The following ARHGAP15 variants were observed in gnomAD, a reference collection of about 807,000 sequenced individuals.
ARHGAP15 encodes the protein rho GTPase-activating protein 15.
Under a neutral mutation model 63.7 loss-of-function variants are expected in ARHGAP15, and 51 were observed. The observed-to-expected ratio is 0.80, with a 90% CI of 0.64 to 1.01. The LOEUF is 1.01. Among genes scored for constraint, ARHGAP15 ranks in the 50% least tolerant of loss-of-function variants. The probability of loss-of-function intolerance (pLI) is 0.00; values close to 1 mark genes in which losing one functional copy is unlikely to be tolerated. For synonymous variants in ARHGAP15, 191 were observed against 193.8 expected, an observed-to-expected ratio of 0.99 and a Z score of 0.12; for missense variants, 560 against 564.6, an observed-to-expected ratio of 0.99 and a Z score of 0.08.
intron 6 of ARHGAP15, among the ~76,000 whole-genome samples, chr2:143,312,479 AAG>A (rs1683493904): frequency 6.6e-6 from 1 of 150,906 alleles, no homozygotes; most frequent in Admixed American, 6.7e-5. Context: ...CAAAGATAAA[AAG>A]AAAAAAAAAG....
chr2:143,492,197 C>A (rs1297944244), intron 9 of ARHGAP15, among the ~76,000 whole-genome samples: 1 of 152,036 alleles, frequency 6.6e-6, no homozygotes, highest in African/African-American at 2.4e-5. Context: ...TGGTTCTTCT[C>A]CTCGCCAGAT....
chr2:143,264,199 C>T (rs1680881955), intron 6 of ARHGAP15, among the ~76,000 whole-genome samples: 1 of 151,912 alleles, frequency 6.6e-6, no homozygotes. Flanking sequence ...CTCTATGATT[C>T]AGTGAATTCA....
intron 11 of ARHGAP15, among the ~76,000 whole-genome samples, chr2:143,568,065 C>T (rs984064389): frequency 6.6e-6 from 1 of 152,130 alleles, no homozygotes; most frequent in African/African-American, 2.4e-5. Context: ...ACCATAAAAA[C>T]CCTAGAAGAA....
At chr2:143,566,096 AT>A (rs5834957) in intron 11 of ARHGAP15, among the ~76,000 whole-genome samples, 45,242 of 152,016 alleles carry the variant, frequency 0.3, 7,320 homozygotes, top group African/African-American at 0.43. Context: ...ATGGGAAGAA[AT>A]TTTTTTTCAG....
chr2:143,376,658 G>T (rs1686821530), intron 6 of ARHGAP15, among the ~76,000 whole-genome samples: 1 of 151,534 alleles, frequency 6.6e-6, no homozygotes, highest in Non-Finnish European at 1.5e-5. Context: ...ATTTTAAAGG[G>T]TATGCCATAT....
At chr2:143,426,905 T>A (rs1689159173) in intron 6 of ARHGAP15, among the ~76,000 whole-genome samples, 1 of 152,204 alleles carries the variant, frequency 6.6e-6, no homozygotes, top group Non-Finnish European at 1.5e-5. Flanking sequence ...AGTGGCAGTA[T>A]TGTAATTGAG....
At chr2:143,763,195 G>A (rs1240473890) in intron 13 of ARHGAP15, among the ~76,000 whole-genome samples, 1 of 152,108 alleles carries the variant, frequency 6.6e-6, no homozygotes, top group African/African-American at 2.4e-5. Flanking sequence ...TGTAAAAAGA[G>A]AGACATATAA....
At position 143,448,347 on chromosome 2, in the gene ARHGAP15, CA is replaced by C. The variant is rs1333899581; in HGVS notation, c.703+11306del. Among the ~76,000 whole-genome samples the C allele has an allele frequency of 6.6e-5, 10 of 152,122 alleles. No individual in the cohort carries two copies. In the East Asian group the frequency reaches 1.7e-3, roughly 26 times the overall value. On this transcript the variant is annotated intron_variant, in intron 8 of 13. Coordinates refer to ENST00000295095, the MANE Select transcript of ARHGAP15 (RefSeq NM_018460.4). ...GAAAGACTTCAATGCAGGCAAGAGA[CA>C]TGAACAGATTTGATTTTTAGAGTAA...
chr2:143,357,678 TTTAAGA>T (rs980998700), intron 6 of ARHGAP15, among the ~76,000 whole-genome samples: 6 of 152,176 alleles, frequency 3.9e-5, no homozygotes, highest in Non-Finnish European at 2.9e-5. Context: ...CTTTAAACAA[TTTAAGA>T]TTAAGTTGAG....
intron 12 of ARHGAP15, among the ~76,000 whole-genome samples, chr2:143,700,687 A>AGTGT (rs377690137): frequency 2.0e-5 from 3 of 147,030 alleles, no homozygotes; most frequent in African/African-American, 7.3e-5. Context: ...TATATATATG[A>AGTGT]GTGTGTGTGT....
chr2:143,289,620 A>T (rs73962391), intron 6 of ARHGAP15, among the ~76,000 whole-genome samples: 6,778 of 152,260 alleles, frequency 0.045, 505 homozygotes, highest in African/African-American at 0.16. Flanking sequence ...TATCCCACCC[A>T]GATGTGCCCA....
At chr2:143,226,583 A>C (rs1309236959) in intron 4 of ARHGAP15, among the ~76,000 whole-genome samples, 1 of 152,210 alleles carries the variant, frequency 6.6e-6, no homozygotes, top group Non-Finnish European at 1.5e-5. Context: ...TGCTGCTTCA[A>C]TTCACTCTGC....
At chr2:143,245,533 A>C (rs1198598697) in intron 5 of ARHGAP15, among the ~76,000 whole-genome samples, 1 of 152,142 alleles carries the variant, frequency 6.6e-6, no homozygotes, top group Non-Finnish European at 1.5e-5. Context: ...AATTGAGGAG[A>C]AGGACAAATC....
Position 143,503,338 on chromosome 2 carries a change from T to A in ARHGAP15, c.826+15843T>A, listed in dbSNP as rs560590986. 5.9e-5 allele frequency among the ~76,000 whole-genome samples: 9 copies of A among 152,308 alleles called. No individual in the cohort carries two copies. In the South Asian group the frequency reaches 1.9e-3, roughly 32 times the overall value. On this transcript the variant is annotated intron_variant, in intron 9 of 13. Transcript: ENST00000295095. ...TTGTAGTGAAAGGGGCAACCAAGAC[T>A]CTTCCTGTGCTATTTAAAAGAGCTG...
intron 2 of ARHGAP15, among the ~76,000 whole-genome samples, chr2:143,200,922 A>G (rs1051388745): frequency 1.3e-5 from 2 of 152,080 alleles, no homozygotes; most frequent in African/African-American, 4.8e-5. Context: ...CTAGTAACAA[A>G]TCACCTTGAA....
intron 6 of ARHGAP15, among the ~76,000 whole-genome samples, chr2:143,384,712 C>A (rs1687198466): frequency 6.6e-6 from 1 of 152,136 alleles, no homozygotes; most frequent in African/African-American, 2.4e-5. Context: ...AAGTGTCCTT[C>A]TGTTGTGCTA....
At chr2:143,154,258 C>T (rs1054125892) in intron 1 of ARHGAP15, among the ~76,000 whole-genome samples, 4 of 151,766 alleles carry the variant, frequency 2.6e-5, no homozygotes, top group Admixed American at 2.0e-4. Flanking sequence ...GTATTAGCTT[C>T]TTTTCTAATT....
intron 6 of ARHGAP15, among the ~76,000 whole-genome samples, chr2:143,324,038 G>A (rs1684146709): frequency 6.7e-6 from 1 of 149,994 alleles, no homozygotes; most frequent in Admixed American, 6.6e-5. Flanking sequence ...TAAGCATGAA[G>A]AAGTTGAGGC....
At chr2:143,379,078 C>T (rs1411796519) in intron 6 of ARHGAP15, among the ~76,000 whole-genome samples, 1 of 151,760 alleles carries the variant, frequency 6.6e-6, no homozygotes, top group Non-Finnish European at 1.5e-5. Flanking sequence ...TCCCCGATGA[C>T]TTGTTTTAGA....
Sources: gnomAD v4.1 joint callset for allele counts (sites outside exome capture counted in the v4.1 genomes callset) on GRCh38, gnomAD v4.1.1 for gene constraint, MANE v1.5 for transcripts, NCBI Gene and HGNC (gene_info 2026-07-23, HGNC 2026-07-21) for gene names.